SRGAP2: variants seen among roughly 807,000 people sequenced by gnomAD.
SRGAP2 encodes the protein SLIT-ROBO Rho GTPase activating protein 2, also known as SLIT-ROBO Rho GTPase-activating protein 2.
A neutral mutation model predicts 57.2 loss-of-function variants in SRGAP2; 15 were observed. That is an observed-to-expected ratio of 0.26 (90% CI 0.18 to 0.40). The LOEUF is 0.40. Among genes scored for constraint, SRGAP2 ranks in the 10% least tolerant of loss-of-function variants. SRGAP2 has a pLI of 1.00. For synonymous variants in SRGAP2, 249 were observed against 248.0 expected, an observed-to-expected ratio of 1.00 and a Z score of -0.04; for missense variants, 520 against 669.6, an observed-to-expected ratio of 0.78 and a Z score of 2.47.
At position 206,454,662 on chromosome 1, in the gene SRGAP2, A is replaced by G; in HGVS notation, c.2361-216A>G. ...TCCTGAGGAGCTGAGGAGCCCGCAG[A>G]ACTCAGCGGATTATTTATTTTTATT... On this transcript the variant is annotated intron_variant, in intron 20 of 22. Coordinates refer to ENST00000573034, the MANE Select transcript of SRGAP2 (RefSeq NM_015326.5). The surrounding 1 kb of genome is among the most constrained non-coding windows in gnomAD (Gnocchi z 4.3). The G allele has an allele frequency of 3.7e-6, 2 of 538,392 alleles. No individual in the cohort carries two copies. The highest frequency in any genetic ancestry group is 6.5e-6 in the Non-Finnish European group (2 of 306,646). The allele number at this position is 538,392 out of a possible 1,614,324, so 33.4% of individuals were successfully genotyped here. A position where few individuals can be genotyped will look rare whatever the true frequency, so the allele number is the denominator to read the frequency against.
At position 206,301,278 on chromosome 1, in the gene SRGAP2, G is replaced by T. The variant is rs1553618579; in HGVS notation, c.68-2003G>T. Among the ~76,000 whole-genome samples, 683 of 151,916 alleles carry T rather than the reference G, an allele frequency of 4.5e-3. 2 individuals are homozygous for T. Among genetic ancestry groups the T allele is most frequent in the African/African-American group, 0.016 (664 of 41,406 alleles). On this transcript the variant is annotated intron_variant, in intron 2 of 22. Coordinates refer to ENST00000573034, the MANE Select transcript of SRGAP2 (RefSeq NM_015326.5). Reference sequence around the variant, plus strand: ...TCTCGATCTCCTGACCTTGTGATCCGCCCGCCTCGGCCTCCCAAAGTGCTG... The same window carrying T: ...TCTCGATCTCCTGACCTTGTGATCCTCCCGCCTCGGCCTCCCAAAGTGCTG...
chr1:206,389,244 G>A (rs1471738172), intron 5 of SRGAP2, among the ~76,000 whole-genome samples: 4 of 138,136 alleles, frequency 2.9e-5, no homozygotes, highest in Admixed American at 7.7e-5. Flanking sequence ...GCGTGATCTC[G>A]GCTCACTGCA....
At chr1:206,310,512 C>A (rs1477226187) in intron 3 of SRGAP2, among the ~76,000 whole-genome samples, 1 of 152,182 alleles carries the variant, frequency 6.6e-6, no homozygotes, top group Non-Finnish European at 1.5e-5. Context: ...CGTGGCCTGC[C>A]TGCTCAAGTT....
intron 2 of SRGAP2, among the ~76,000 whole-genome samples, chr1:206,225,845 G>A (rs1233148275): frequency 1.3e-5 from 2 of 151,994 alleles, no homozygotes; most frequent in Admixed American, 6.5e-5. Context: ...GGAGTTCTGA[G>A]CTGCCTTGCT....
At position 206,252,211 on chromosome 1, in the gene SRGAP2, C is replaced by G. The variant is rs540926890; in HGVS notation, c.67+46174C>G. The stretch of plus-strand genomic sequence containing the variant: ...GAATGGAATTCTCACCAATTCTTAT[C>G]TTCTATGCTAAAAGTTTTACTTTAA... On this transcript the variant is annotated intron_variant, in intron 2 of 22. Transcript: ENST00000573034. Among the ~76,000 whole-genome samples the G allele has an allele frequency of 5.4e-4, 71 of 132,706 alleles. No homozygotes were observed. The East Asian group carries it at 0.015, about 28-fold the overall frequency. 87.1% of individuals were successfully genotyped at this position (132,706 alleles called of 152,430 possible). A position where few individuals can be genotyped will look rare whatever the true frequency, so the allele number is the denominator to read the frequency against.
At chr1:206,427,690 C>T (rs145884037) in intron 13 of SRGAP2, among the ~76,000 whole-genome samples, 28 of 152,346 alleles carry the variant, frequency 1.8e-4, no homozygotes, top group African/African-American at 6.0e-4. Context: ...ACAGACCCAT[C>T]GCACTTGACA....
rs1314548896 is a variant in SRGAP2, at chr1:206,277,973, T to C, written c.68-25308T>C. Among the ~76,000 whole-genome samples the C allele has an allele frequency of 5.4e-5, 8 of 147,318 alleles. No homozygotes were observed. The South Asian group carries it at 1.1e-3, about 19-fold the overall frequency. On this transcript the variant is annotated intron_variant, in intron 2 of 22. Coordinates refer to ENST00000573034, the MANE Select transcript of SRGAP2 (RefSeq NM_015326.5). ...CAGCCTGGGTGACAGAGTGAGACTG[T>C]CTCAAAAAAAAAAAAAGAGAATAAA...
intron 3 of SRGAP2, chr1:206,312,374 AT>A (rs2102794532): frequency 6.6e-6 from 1 of 152,046 alleles, no homozygotes; most frequent in South Asian, 2.1e-4. Context: ...GTTCTAAGTG[AT>A]TGCATTTAGG....
At chr1:206,273,811 T>A (rs1297711182) in intron 2 of SRGAP2, among the ~76,000 whole-genome samples, 1 of 150,154 alleles carries the variant, frequency 6.7e-6, no homozygotes, top group Non-Finnish European at 1.5e-5. Context: ...TGAGAATTTA[T>A]GGGTTGAAGT....
At chr1:206,212,895 AAAAC>A (rs1297673239) in intron 2 of SRGAP2, among the ~76,000 whole-genome samples, 2 of 140,204 alleles carry the variant, frequency 1.4e-5, no homozygotes, top group African/African-American at 2.7e-5. Flanking sequence ...GCAAGAAAAA[AAAAC>A]AAAAAACAAA....
chr1:206,250,230 T>C (rs1414808142), intron 2 of SRGAP2, among the ~76,000 whole-genome samples: 9 of 152,192 alleles, frequency 5.9e-5, no homozygotes, highest in African/African-American at 1.9e-4. Flanking sequence ...ACTTTTCTCA[T>C]TATTGATGTG....
chr1:206,372,959 TCTTTC>T (rs1338500321), intron 4 of SRGAP2, among the ~76,000 whole-genome samples: 1 of 9,942 alleles, frequency 1.0e-4, no homozygotes, highest in Non-Finnish European at 1.7e-4. Flanking sequence ...TTCTTTCTTT[TCTTTC>T]CTTTCTTTCT....
At chr1:206,460,635 T>C (rs1431654068) in intron 22 of SRGAP2, among the ~76,000 whole-genome samples, 1 of 152,126 alleles carries the variant, frequency 6.6e-6, no homozygotes, top group Non-Finnish European at 1.5e-5. Flanking sequence ...TTATGTACAA[T>C]TTCAAACCTA....
At chr1:206,227,374 C>G (rs1553305772) in intron 2 of SRGAP2, among the ~76,000 whole-genome samples, 1 of 152,208 alleles carries the variant, frequency 6.6e-6, no homozygotes. Flanking sequence ...GTGCCATCAT[C>G]TGCTAATTTC....
chr1:206,415,814 T>C, intron 10 of SRGAP2, 75 bp from the exon 11 acceptor site: 1 of 715,824 alleles, frequency 1.4e-6, no homozygotes, highest in South Asian at 1.5e-5. Context: ...AGGGGAATTG[T>C]CCAGCTGAGC....
chr1:206,457,153 A>G (rs1333060933), intron 21 of SRGAP2, among the ~76,000 whole-genome samples: 3 of 152,016 alleles, frequency 2.0e-5, no homozygotes, highest in African/African-American at 7.2e-5. Context: ...GCCACCCCAT[A>G]AATCTGTCTT....
chr1:206,254,295 G>A (rs1553311760), intron 2 of SRGAP2, among the ~76,000 whole-genome samples: 2 of 140,742 alleles, frequency 1.4e-5, no homozygotes, highest in African/African-American at 2.8e-5. Flanking sequence ...TGCCAGACTT[G>A]TTTCATCTAC....
At chr1:206,260,469 G>A (rs1183901417) in intron 2 of SRGAP2, among the ~76,000 whole-genome samples, 1 of 151,932 alleles carries the variant, frequency 6.6e-6, no homozygotes, top group Admixed American at 6.6e-5. Context: ...CCTTATTGTG[G>A]GTGTCACTCT....
At chr1:206,343,999 C>T (rs868964636) in intron 4 of SRGAP2, among the ~76,000 whole-genome samples, 14 of 150,882 alleles carry the variant, frequency 9.3e-5, no homozygotes, top group African/African-American at 3.4e-4. Context: ...CATCAGTTTC[C>T]AGGTGACAAA....
Sources: gnomAD v4.1 joint callset for allele counts (sites outside exome capture counted in the v4.1 genomes callset) on GRCh38, gnomAD v4.1.1 for gene constraint, Gnocchi (gnomAD v3.1) non-coding constraint, MANE v1.5 for transcripts, NCBI Gene and HGNC (gene_info 2026-07-23, HGNC 2026-07-21) for gene names.